Variants in ADCY2 observed in about 807,000 individuals in gnomAD.
ADCY2 encodes adenylate cyclase 2.
ADCY2 carries 31 observed loss-of-function variants against 125.2 expected under a neutral mutation model. The observed-to-expected ratio is 0.25, with a 90% CI of 0.19 to 0.33. ADCY2 has a LOEUF of 0.33. Among genes scored for constraint, ADCY2 ranks in the 10% least tolerant of loss-of-function variants. ADCY2 has a pLI of 1.00. For synonymous variants in ADCY2, 512 were observed against 548.4 expected, an observed-to-expected ratio of 0.93 and a Z score of 0.93; for missense variants, 904 against 1,418.2, an observed-to-expected ratio of 0.64 and a Z score of 5.82.
At chr5:7,398,516 G>A (rs1739144382) in intron 1 of ADCY2, among the ~76,000 whole-genome samples, 1 of 152,078 alleles carries the variant, frequency 6.6e-6, no homozygotes, top group Admixed American at 6.5e-5. Context: ...TGCTCCTCTT[G>A]CCTTCAGCTA....
intron 4 of ADCY2, among the ~76,000 whole-genome samples, chr5:7,634,334 G>A (rs568697300): frequency 3.3e-5 from 5 of 152,266 alleles, no homozygotes; most frequent in African/African-American, 1.2e-4. Context: ...TTTGTAAATT[G>A]CATATGTGTT....
At chr5:7,782,142 A>T (rs759424197) in intron 18 of ADCY2, 1 of 167,070 alleles carries the variant, frequency 6.0e-6, no homozygotes. Context: ...CCTGAGATCC[A>T]TTTAGGTCTG....
intron 3 of ADCY2, among the ~76,000 whole-genome samples, chr5:7,596,263 C>T (rs895472219): frequency 9.3e-5 from 10 of 107,296 alleles, no homozygotes; most frequent in Non-Finnish European, 1.7e-4. Flanking sequence ...CCCAAATGCC[C>T]GATCCAAAAA....
At chr5:7,621,469 C>A (rs1737950761) in intron 3 of ADCY2, among the ~76,000 whole-genome samples, 1 of 152,228 alleles carries the variant, frequency 6.6e-6, no homozygotes, top group Admixed American at 6.5e-5. Flanking sequence ...GTGGAGAAAT[C>A]TGACTGTATG....
chr5:7,789,537 T>C (rs1294923824), intron 19 of ADCY2, 105 bp from the exon 20 acceptor site: 34 of 1,193,216 alleles, frequency 2.8e-5, no homozygotes, highest in Non-Finnish European at 4.1e-5. Context: ...TTGGGGGTTC[T>C]TTTTTCGGTT....
intron 2 of ADCY2, among the ~76,000 whole-genome samples, chr5:7,480,668 G>A (rs1440383583): frequency 6.6e-6 from 1 of 152,048 alleles, no homozygotes; most frequent in African/African-American, 2.4e-5. Flanking sequence ...CTTAATACCT[G>A]GGTCATGAAA....
chr5:7,429,443 CAACAATGAAGAGTGTGTTTTCTTT>C (rs1333736028), intron 2 of ADCY2, among the ~76,000 whole-genome samples: 2 of 152,112 alleles, frequency 1.3e-5, no homozygotes, highest in Non-Finnish European at 1.5e-5. Flanking sequence ...GAACACGTCC[CAACAATGAAGAGTGTGTTTTCTTT>C]GAAATGCATG....
chr5:7,568,969 G>A (rs1023371399), intron 3 of ADCY2, among the ~76,000 whole-genome samples: 6 of 152,094 alleles, frequency 3.9e-5, no homozygotes, highest in Admixed American at 3.9e-4. Context: ...CTGTACATGG[G>A]CTGTTTGTCA....
chr5:7,526,974 A>T (rs951839410), intron 3 of ADCY2, among the ~76,000 whole-genome samples: 2 of 152,256 alleles, frequency 1.3e-5, no homozygotes, highest in African/African-American at 4.8e-5. Flanking sequence ...ATTCATGATT[A>T]AGTAGAAAAT....
intron 3 of ADCY2, among the ~76,000 whole-genome samples, chr5:7,549,556 C>T (rs1735258521): frequency 6.6e-6 from 1 of 152,202 alleles, no homozygotes; most frequent in Non-Finnish European, 1.5e-5. Context: ...CATTTTAAGA[C>T]ACTTTCACAA....
chr5:7,817,912 T>C (rs1745169141), intron 23 of ADCY2, among the ~76,000 whole-genome samples: 1 of 152,056 alleles, frequency 6.6e-6, no homozygotes, highest in Non-Finnish European at 1.5e-5. Context: ...TAACAGACTT[T>C]AAGTTGATTT....
rs1561112737 is a variant in ADCY2 at position 7,589,528 on chromosome 5, A to AAGAAAGAAAGAAAAGAAAAGAAAG, written c.571-36629_571-36628insAAAAGAAAAGAAAGAGAAAGAAAG. On this transcript the variant is annotated intron_variant, in intron 3 of 24. Coordinates refer to ENST00000338316, the MANE Select transcript of ADCY2 (RefSeq NM_020546.3). ...AAAGAAAGAAAAGAAAAGAAAGAGA[A>AAGAAAGAAAGAAAAGAAAAGAAAG]AGAAAGAAAGGAGGGAGGGAAGGAG... Among the ~76,000 whole-genome samples, 65 of 132,644 alleles carry AAGAAAGAAAGAAAAGAAAAGAAAG rather than the reference A, an allele frequency of 4.9e-4. 1 individual carries two copies. The highest frequency in any genetic ancestry group is 7.3e-4 in the South Asian group (3 of 4,086). 87.0% of individuals were successfully genotyped at this position (132,644 alleles called of 152,430 possible). A position where few individuals can be genotyped will look rare whatever the true frequency, so the allele number is the denominator to read the frequency against.
Position 7,828,873 on chromosome 5 carries a change from C to T in ADCY2, c.*2002C>T, listed in dbSNP as rs1369948292. On this transcript the variant is annotated 3_prime_UTR_variant, in exon 25 of 25. Coordinates refer to ENST00000338316, the MANE Select transcript of ADCY2 (RefSeq NM_020546.3). ...TCATCCGCAGGTCACCTTAGTTCAC[C>T]TACCCTGAGTGAACACCCCCAGCTG... 1 of 152,328 alleles carries T rather than the reference C, an allele frequency of 6.6e-6. No individual in the cohort carries two copies. Among genetic ancestry groups the T allele is most frequent in the African/African-American group, 2.4e-5 (1 of 41,440 alleles). The allele number at this position is 152,328 out of a possible 1,614,324, so 9.4% of individuals were successfully genotyped here. A position where few individuals can be genotyped will look rare whatever the true frequency, so the allele number is the denominator to read the frequency against.
chr5:7,497,736 G>GA (rs1040003369), intron 2 of ADCY2, among the ~76,000 whole-genome samples: 16 of 147,818 alleles, frequency 1.1e-4, no homozygotes, highest in Admixed American at 6.7e-5. Context: ...AAATTGCACC[G>GA]AAAAAAAAAA....
At chr5:7,592,530 A>G (rs1349626402) in intron 3 of ADCY2, among the ~76,000 whole-genome samples, 1 of 147,726 alleles carries the variant, frequency 6.8e-6, no homozygotes, top group Non-Finnish European at 1.5e-5. Context: ...TACCTATTGT[A>G]CTAGGGGAAC....
intron 3 of ADCY2, among the ~76,000 whole-genome samples, chr5:7,610,044 T>G (rs2126642932): frequency 6.6e-6 from 1 of 151,732 alleles, no homozygotes; most frequent in East Asian, 1.9e-4. Context: ...CAGACAGGGG[T>G]GGGTTGTATA....
intron 19 of ADCY2, among the ~76,000 whole-genome samples, chr5:7,786,304 C>T (rs1261617312): frequency 6.6e-6 from 1 of 152,216 alleles, no homozygotes; most frequent in East Asian, 1.9e-4. Flanking sequence ...TGCTTTAGTA[C>T]TCCCTTCCCC....
intron 1 of ADCY2, among the ~76,000 whole-genome samples, chr5:7,412,785 C>T (rs1432507608): frequency 6.6e-6 from 1 of 152,222 alleles, no homozygotes; most frequent in East Asian, 1.9e-4. Context: ...CCTGTCTCAC[C>T]CACCAGCTGG....
intron 15 of ADCY2, among the ~76,000 whole-genome samples, chr5:7,756,757 A>T (rs1743004924): frequency 6.6e-6 from 1 of 152,342 alleles, no homozygotes; most frequent in African/African-American, 2.4e-5. Context: ...GATGTTACAC[A>T]ACAATGTGAA....
Sources: allele counts gnomAD v4.1 joint callset (sites outside exome capture counted in the v4.1 genomes callset), GRCh38; gene constraint gnomAD v4.1.1; transcripts MANE v1.5; gene names NCBI Gene and HGNC (gene_info 2026-07-23, HGNC 2026-07-21).